Variants in WDR19 observed in about 807,000 individuals in gnomAD.
WDR19 encodes WD repeat domain 19, also known as WD repeat-containing protein 19.
In WDR19, 121 loss-of-function variants were observed where a neutral mutation model predicts 180.0. That is an observed-to-expected ratio of 0.67 (90% CI 0.58 to 0.78). The LOEUF (loss-of-function observed/expected upper bound fraction) is 0.78, where lower values mean the gene tolerates loss of function less well. WDR19 is among the 30% of genes least tolerant of loss of function. The pLI, the probability that WDR19 is intolerant of heterozygous loss-of-function variation, is 0.00. For missense variants in WDR19, 1,450 were observed against 1,640.7 expected (o/e 0.88, Z 2.01); for synonymous variants, 497 against 540.7 (o/e 0.92, Z 1.12).
intron 1 of WDR19, among the ~76,000 whole-genome samples, chr4:39,183,390 C>T (rs985203616): frequency 6.6e-6 from 1 of 151,250 alleles, no homozygotes; most frequent in Non-Finnish European, 1.5e-5. Flanking sequence ...GCTGGGACTA[C>T]AGGCGCGTGC....
Position 39,182,550 on chromosome 4 carries a change from G to A in WDR19, c.-8G>A, listed in dbSNP as rs780093331. The A allele has an allele frequency of 7.4e-6, 12 of 1,613,798 alleles. No homozygotes were observed. In the Admixed American group the frequency reaches 1.7e-4, roughly 22 times the overall value. ...CTTCATAGTTCGCGTAGCGGCTCGA[G>A]CGTGGAGATGAAGGTAAATAACTTA... On this transcript the variant is annotated 5_prime_UTR_variant, in exon 1 of 37. Coordinates refer to ENST00000399820, the MANE Select transcript of WDR19 (RefSeq NM_025132.4).
At chr4:39,230,948 C>T (rs1730778549) in intron 17 of WDR19, among the ~76,000 whole-genome samples, 1 of 152,096 alleles carries the variant, frequency 6.6e-6, no homozygotes, top group South Asian at 2.1e-4. Context: ...GCTTTACGGG[C>T]CATAGGGTCT....
At chr4:39,234,117 AATAAGCTAATCCCCTAGAACAGT>A (rs1252580960) in intron 19 of WDR19, among the ~76,000 whole-genome samples, 1 of 152,236 alleles carries the variant, frequency 6.6e-6, no homozygotes, top group Non-Finnish European at 1.5e-5. Flanking sequence ...GTGAAAGATA[AATAAGCTAATCCCCTAGAACAGT>A]ATCTGGCAGA....
chr4:39,205,957 G>A (rs544985736), intron 9 of WDR19: 1 of 452,754 alleles, frequency 2.2e-6, no homozygotes, highest in African/African-American at 2.0e-5. Flanking sequence ...GTAACATGGA[G>A]TAAGCACACT....
intron 15 of WDR19, among the ~76,000 whole-genome samples, chr4:39,226,592 A>G (rs1017912093): frequency 6.6e-6 from 1 of 152,214 alleles, no homozygotes; most frequent in Non-Finnish European, 1.5e-5. Context: ...CTGGGTTCAA[A>G]TACTGGCTCG....
Position 39,257,527 on chromosome 4 carries a change from T to C in WDR19, c.3156T>C (p.Asn1052=). The C allele has an allele frequency of 6.3e-7, 1 of 1,590,688 alleles. No individual in the cohort carries two copies. The highest frequency in any genetic ancestry group is 8.6e-7 in the Non-Finnish European group (1 of 1,167,598). ...TGAAATGCCCAAGCTCGGAAGATAA[T>C]GTGGCAATAGAAATGGCAATTGAAA... The part of the protein sequence containing the change: ...HFLKCPSSED[N]VAIEMAIETV... The change falls in exon 28 of 37, where the codon AAT becomes AAC. Residue 1052 remains asparagine (N), a synonymous_variant. Transcript: ENST00000399820.
intron 31 of WDR19, among the ~76,000 whole-genome samples, chr4:39,271,713 G>A (rs1443080538): frequency 3.3e-5 from 5 of 151,978 alleles, no homozygotes; most frequent in Non-Finnish European, 7.4e-5. Context: ...ACATCTTTCC[G>A]TATTAATGCT....
At chr4:39,225,851 T>G (rs1730195559) in intron 15 of WDR19, among the ~76,000 whole-genome samples, 1 of 152,102 alleles carries the variant, frequency 6.6e-6, no homozygotes, top group Non-Finnish European at 1.5e-5. Flanking sequence ...CTTCCTTTCC[T>G]TCTCTTCTCT....
chr4:39,273,193 G>A, intron 32 of WDR19, 132 bp downstream of exon 32: 1 of 674,308 alleles, frequency 1.5e-6, no homozygotes, highest in South Asian at 2.0e-5. Context: ...GAAGTGGTAT[G>A]TCAGGGCCCC....
intron 13 of WDR19, 109 bp from the exon 14 acceptor site, chr4:39,217,874 C>A: frequency 7.1e-7 from 1 of 1,401,418 alleles, no homozygotes; most frequent in Non-Finnish European, 9.7e-7. Context: ...CTCTCGTAGT[C>A]TTGGGAGCCT....
chr4:39,285,178 A>AAAT (rs1455155605), intron 36 of WDR19, among the ~76,000 whole-genome samples: 3 of 152,136 alleles, frequency 2.0e-5, no homozygotes, highest in Non-Finnish European at 4.4e-5. Flanking sequence ...AATTTCAGGA[A>AAAT]AATTTTTTCT....
intron 36 of WDR19, among the ~76,000 whole-genome samples, chr4:39,284,263 T>C (rs933554016): frequency 6.6e-5 from 10 of 151,912 alleles, no homozygotes; most frequent in African/African-American, 2.2e-4. Context: ...TTTTTTCTGT[T>C]CATATTGGAT....
intron 25 of WDR19, 128 bp from the exon 26 acceptor site, chr4:39,253,778 C>CAA (rs757733793): frequency 1.1e-3 from 582 of 553,774 alleles, no homozygotes; most frequent in Middle Eastern, 1.6e-3. Context: ...GACTCCATCT[C>CAA]AAAAAAAAAA....
At chr4:39,195,391 CA>C (rs761488634) in intron 5 of WDR19, among the ~76,000 whole-genome samples, 1 of 132,752 alleles carries the variant, frequency 7.5e-6, no homozygotes, top group Non-Finnish European at 1.5e-5. Flanking sequence ...AAAAAACAAA[CA>C]AACAAAAAAA....
intron 20 of WDR19, among the ~76,000 whole-genome samples, chr4:39,235,725 A>T (rs556629088): frequency 9.9e-5 from 15 of 152,224 alleles, no homozygotes; most frequent in Non-Finnish European, 2.1e-4. Context: ...AAATATTTGC[A>T]AACTATGCAT....
chr4:39,220,044 C>A (rs1729487253), intron 14 of WDR19, among the ~76,000 whole-genome samples: 2 of 151,818 alleles, frequency 1.3e-5, no homozygotes, highest in South Asian at 4.2e-4. Flanking sequence ...CATGGCGACA[C>A]CCCCATCTCT....
intron 17 of WDR19, among the ~76,000 whole-genome samples, chr4:39,229,617 G>A (rs557451285): frequency 4.6e-5 from 7 of 150,908 alleles, no homozygotes; most frequent in South Asian, 4.2e-4. Flanking sequence ...TAATTCTTCC[G>A]AGCCTCTCTT....
chr4:39,221,182 A>G (rs951247162), intron 14 of WDR19, among the ~76,000 whole-genome samples: 1 of 152,176 alleles, frequency 6.6e-6, no homozygotes, highest in East Asian at 1.9e-4. Flanking sequence ...ATGGAAAAAT[A>G]TGGAATAGGA....
intron 36 of WDR19, among the ~76,000 whole-genome samples, chr4:39,284,860 C>A (rs1578082671): frequency 2.0e-5 from 3 of 152,236 alleles, no homozygotes; most frequent in African/African-American, 7.2e-5. Context: ...GATATGTCTT[C>A]ATTGAGTTAT....
Sources: allele counts gnomAD v4.1 joint callset (sites outside exome capture counted in the v4.1 genomes callset), GRCh38; gene constraint gnomAD v4.1.1; transcripts MANE v1.5; gene names NCBI Gene and HGNC (gene_info 2026-07-23, HGNC 2026-07-21).